Variants in DOK6 observed in about 807,000 individuals in gnomAD.
The protein encoded by DOK6 is downstream of tyrosine kinase 6.
DOK6 carries 22 observed loss-of-function variants against 44.0 expected under a neutral mutation model. That is an observed-to-expected ratio of 0.50 (90% CI 0.36 to 0.71). The LOEUF (loss-of-function observed/expected upper bound fraction) is 0.71. Among genes scored for constraint, DOK6 ranks in the 30% least tolerant of loss-of-function variants. DOK6 has a pLI of 0.00. For synonymous variants in DOK6, 166 were observed against 145.5 expected (o/e 1.14, Z -1.01); for missense variants, 340 against 416.4 (o/e 0.82, Z 1.60).
intron 1 of DOK6, among the ~76,000 whole-genome samples, chr18:69,533,320 T>C (rs1312954338): frequency 6.6e-6 from 1 of 152,180 alleles, no homozygotes; most frequent in Non-Finnish European, 1.5e-5. Flanking sequence ...TTTAAGCCAT[T>C]TTAATTGTGT....
At chr18:69,743,236 G>A (rs569684083) in intron 6 of DOK6, among the ~76,000 whole-genome samples, 1 of 152,318 alleles carries the variant, frequency 6.6e-6, no homozygotes, top group Admixed American at 6.5e-5. Context: ...AATGATTAAA[G>A]CTAGATATTT....
chr18:69,513,636 T>C (rs117184472), intron 1 of DOK6, among the ~76,000 whole-genome samples: 3,589 of 152,324 alleles, frequency 0.024, 61 homozygotes, highest in Non-Finnish European at 0.035. Flanking sequence ...AAATCTTGCA[T>C]AATGGAGAGA....
chr18:69,828,078 GT>G (rs1286955316), intron 7 of DOK6, among the ~76,000 whole-genome samples: 1 of 151,752 alleles, frequency 6.6e-6, no homozygotes, highest in South Asian at 2.1e-4. Flanking sequence ...ATCCTAAGTA[GT>G]TCCTTGATTA....
chr18:69,513,764 T>G (rs542545931), intron 1 of DOK6, among the ~76,000 whole-genome samples: 62 of 152,346 alleles, frequency 4.1e-4, no homozygotes, highest in Non-Finnish European at 7.1e-4. Context: ...AGTGAATCAA[T>G]GCATTTGTAT....
intron 1 of DOK6, among the ~76,000 whole-genome samples, chr18:69,421,817 T>C (rs1335200163): frequency 1.3e-5 from 2 of 152,200 alleles, no homozygotes; most frequent in African/African-American, 4.8e-5. Flanking sequence ...ACACAGAAAC[T>C]GGTGTGGGGT....
chr18:69,767,530 C>T lies in DOK6; in HGVS notation c.856+9657C>T, dbSNP rs147817924. Reference sequence around the variant, plus strand: ...ACTCATGGAAGGACTGTGTTTAGCTCAGCCCAGTGCAGAGGAGAATGCCCC... The same window carrying T: ...ACTCATGGAAGGACTGTGTTTAGCTTAGCCCAGTGCAGAGGAGAATGCCCC... On this transcript the variant is annotated intron_variant, in intron 7 of 7. Transcript: ENST00000382713. 5.2e-4 allele frequency among the ~76,000 whole-genome samples: 31 copies of T among 59,728 alleles called. No individual in the cohort carries two copies. The East Asian group carries it at 0.016, about 31-fold the overall frequency. 39.2% of individuals were successfully genotyped at this position (59,728 alleles called of 152,430 possible). A position where few individuals can be genotyped will look rare whatever the true frequency, so the allele number is the denominator to read the frequency against.
chr18:69,770,098 G>A (rs991107060), intron 7 of DOK6, among the ~76,000 whole-genome samples: 2 of 152,052 alleles, frequency 1.3e-5, no homozygotes, highest in Non-Finnish European at 2.9e-5. Flanking sequence ...ATCGTTAGGA[G>A]TGGCGTTTTT....
intron 5 of DOK6, among the ~76,000 whole-genome samples, chr18:69,709,238 G>A (rs989646820): frequency 6.6e-6 from 1 of 152,112 alleles, no homozygotes; most frequent in Non-Finnish European, 1.5e-5. Flanking sequence ...AACTTGTGAG[G>A]CTTGAAATCT....
chr18:69,581,817 T>C (rs1983376626), intron 2 of DOK6, among the ~76,000 whole-genome samples: 1 of 152,218 alleles, frequency 6.6e-6, no homozygotes, highest in South Asian at 2.1e-4. Flanking sequence ...GGGCTTTATG[T>C]TTTCTGATAT....
chr18:69,683,524 T>G (rs1419980931), intron 4 of DOK6, among the ~76,000 whole-genome samples: 1 of 152,082 alleles, frequency 6.6e-6, no homozygotes, highest in African/African-American at 2.4e-5. Flanking sequence ...TATGGACAAG[T>G]GAAGATGATG....
At chr18:69,635,223 A>G (rs973281891) in intron 3 of DOK6, among the ~76,000 whole-genome samples, 12 of 152,086 alleles carry the variant, frequency 7.9e-5, no homozygotes, top group African/African-American at 2.9e-4. Flanking sequence ...TTAACGAGCC[A>G]TAGTATAAAC....
chr18:69,804,399 C>T (rs1980993963), intron 7 of DOK6, among the ~76,000 whole-genome samples: 1 of 152,064 alleles, frequency 6.6e-6, no homozygotes, highest in Non-Finnish European at 1.5e-5. Context: ...TTTAATTCTT[C>T]AATTTACTAT....
chr18:69,760,943 T>C (rs1221703891), intron 7 of DOK6, among the ~76,000 whole-genome samples: 1 of 106,214 alleles, frequency 9.4e-6, no homozygotes, highest in Non-Finnish European at 1.9e-5. Context: ...TGACCAATTA[T>C]TACTACTCCT....
rs75474564 is a variant in DOK6 at position 69,657,361 on chromosome 18, A to T, written c.290-20373A>T. On this transcript the variant is annotated intron_variant, in intron 3 of 7. Transcript: ENST00000382713. ...TAACTGCATGACATGGCTCTGCCTT[A>T]GCTTTTATCCCCTTTGCCCTGAGAC... is the stretch of plus-strand genomic sequence containing the variant. Among the ~76,000 whole-genome samples the T allele has an allele frequency of 5.2e-3, 786 of 152,278 alleles. 4 individuals are homozygous for T. The highest frequency in any genetic ancestry group is 0.018 in the African/African-American group (738 of 41,564).
chr18:69,815,075 C>T (rs923014003), intron 7 of DOK6, among the ~76,000 whole-genome samples: 2 of 152,060 alleles, frequency 1.3e-5, no homozygotes, highest in African/African-American at 2.4e-5. Flanking sequence ...AATTCCTACC[C>T]CCAGAACAAT....
intron 1 of DOK6, among the ~76,000 whole-genome samples, chr18:69,533,950 T>C (rs1982051781): frequency 6.6e-6 from 1 of 152,144 alleles, no homozygotes; most frequent in Non-Finnish European, 1.5e-5. Context: ...TAAAGACAGA[T>C]AAAATGTAGA....
At chr18:69,539,458 C>T (rs1386161117) in intron 1 of DOK6, among the ~76,000 whole-genome samples, 1 of 131,844 alleles carries the variant, frequency 7.6e-6, no homozygotes, top group Non-Finnish European at 1.6e-5. Flanking sequence ...CTTTCTCATA[C>T]AAAAACAGCT....
chr18:69,682,640 G>A (rs991295608), intron 4 of DOK6, among the ~76,000 whole-genome samples: 7 of 152,124 alleles, frequency 4.6e-5, no homozygotes, highest in African/African-American at 1.7e-4. Context: ...CTATTGCCAA[G>A]CCCAAAGTCC....
intron 2 of DOK6, among the ~76,000 whole-genome samples, chr18:69,593,378 GA>G (rs200705446): frequency 0.072 from 9,462 of 130,850 alleles, 405 homozygotes; most frequent in African/African-American, 0.14. Flanking sequence ...TCTCTTAAAA[GA>G]AAAAAAAAAA....
Sources: gnomAD v4.1 joint callset for allele counts (sites outside exome capture counted in the v4.1 genomes callset) on GRCh38, gnomAD v4.1.1 for gene constraint, MANE v1.5 for transcripts, NCBI Gene and HGNC (gene_info 2026-07-23, HGNC 2026-07-21) for gene names.